NKTR: variants seen among roughly 807,000 people sequenced by gnomAD.
NKTR encodes the protein natural killer cell triggering receptor.
A neutral mutation model predicts 156.3 loss-of-function variants in NKTR; 67 were observed. The observed-to-expected ratio is 0.43, with a 90% CI of 0.35 to 0.53. The LOEUF is 0.53. Among genes scored for constraint, NKTR ranks in the 20% least tolerant of loss-of-function variants. NKTR has a pLI of 0.01. For synonymous variants in NKTR, 640 were observed against 596.6 expected (o/e 1.07, Z -1.06); for missense variants, 1,604 against 1,730.9 (o/e 0.93, Z 1.30).
intron 2 of NKTR, among the ~76,000 whole-genome samples, chr3:42,611,698 A>G (rs1706831273): frequency 6.7e-6 from 1 of 148,418 alleles, no homozygotes; most frequent in Admixed American, 6.8e-5. Context: ...GTGCCACTGC[A>G]CTCCAGCCTG....
intron 6 of NKTR, chr3:42,627,398 T>C: frequency 2.0e-6 from 2 of 985,424 alleles, no homozygotes; most frequent in Non-Finnish European, 2.4e-6. Flanking sequence ...TCCTGGGAAC[T>C]ATATTTTAAC....
chr3:42,625,268 G>A (rs1339838080), intron 6 of NKTR, among the ~76,000 whole-genome samples: 1 of 152,130 alleles, frequency 6.6e-6, no homozygotes, highest in African/African-American at 2.4e-5. Context: ...ATAGAGTAGG[G>A]ATCTGCAGAC....
chr3:42,630,343 A>T (rs1708776174), intron 6 of NKTR: 1 of 1,395,654 alleles, frequency 7.2e-7, no homozygotes, highest in Admixed American at 3.2e-5. Flanking sequence ...ATTCATTATA[A>T]TCTTGAGTTT....
intron 15 of NKTR, 54 bp from the exon 16 acceptor site, chr3:42,643,848 A>G: frequency 8.1e-7 from 1 of 1,236,370 alleles, no homozygotes; most frequent in Non-Finnish European, 1.2e-6. Context: ...AGAAATAGGA[A>G]CATATGAGTA....
intron 6 of NKTR, chr3:42,628,232 G>A (rs944372056): frequency 1.0e-6 from 1 of 985,274 alleles, no homozygotes; most frequent in South Asian, 4.7e-5. Context: ...TTCATATCAG[G>A]TTTAGGCACT....
intron 2 of NKTR, among the ~76,000 whole-genome samples, chr3:42,608,206 G>T (rs757060266): frequency 6.6e-6 from 1 of 151,424 alleles, no homozygotes; most frequent in Admixed American, 6.6e-5. Context: ...GGTCAGGCTG[G>T]TCCTAAACTC....
chr3:42,631,406 T>A, intron 8 of NKTR, 90 bp downstream of exon 8: 1 of 1,445,090 alleles, frequency 6.9e-7, no homozygotes, highest in Admixed American at 2.0e-5. Flanking sequence ...GAACTAGTGG[T>A]ATAGCAATAG....
chr3:42,639,656 C>G lies in NKTR; in HGVS notation c.3952C>G (p.Arg1318Gly), dbSNP rs1709709387. 1 of 1,613,950 alleles carries G rather than the reference C, an allele frequency of 6.2e-7. No individual in the cohort carries two copies. The highest frequency in any genetic ancestry group is 8.5e-7 in the Non-Finnish European group (1 of 1,179,912). The change falls in exon 13 of 17, where the codon CGA (arginine) becomes GGA (glycine). Residue 1318 changes from arginine (R) to glycine (G), a missense_variant. Arg to Gly is a moderately radical substitution (Grantham distance 125, BLOSUM62 -2). This residue lies in a region of NKTR where 193 missense variants were observed against 220.2 expected (regional missense o/e 0.88). Coordinates refer to ENST00000232978, the MANE Select transcript of NKTR (RefSeq NM_005385.4). ...DSQSRSPSRSRSKSETKSRHR... is the reference protein window; with the variant it reads ...DSQSRSPSRSGSKSETKSRHR... ...CCAGTCCAGGAGTCCAAGTAGATCT[C>G]GAAGTAAATCTGAAACCAAATCAAG...
At chr3:42,630,882 A>G in intron 7 of NKTR, 1 of 1,366,040 alleles carries the variant, frequency 7.3e-7, no homozygotes, top group Non-Finnish European at 9.4e-7. Context: ...TGTCCCTGTA[A>G]GGAAGGTTCC....
Position 42,638,545 on chromosome 3 carries a change from TTGGAAA to T in NKTR, c.2843_2848del (p.Trp948_Lys949del). The T allele has an allele frequency of 1.2e-6, 2 of 1,613,896 alleles. No homozygotes were observed. The highest frequency in any genetic ancestry group is 3.3e-4 in the Middle Eastern group (2 of 6,060). On this transcript the variant is annotated inframe_deletion, in exon 13 of 17. Coordinates refer to ENST00000232978, the MANE Select transcript of NKTR (RefSeq NM_005385.4). ...CTTCACTGCCTGATGATAATGGTGC[TTGGAAA>T]TCAAGCAAACAGCGCACATCAACTT...
chr3:42,620,375 T>C (rs1485062620), intron 5 of NKTR: 1 of 1,054,106 alleles, frequency 9.5e-7, no homozygotes, highest in Non-Finnish European at 1.1e-6. Context: ...ATTCTCATAA[T>C]AGTAGCATCT....
chr3:42,606,521 A>C (rs564495014), intron 2 of NKTR, among the ~76,000 whole-genome samples: 1 of 152,234 alleles, frequency 6.6e-6, no homozygotes, highest in East Asian at 1.9e-4. Context: ...TTGTATCTTA[A>C]AGTCCGAGAG....
chr3:42,635,365 A>G lies in NKTR; in HGVS notation c.1162A>G (p.Lys388Glu). The G allele has an allele frequency of 6.2e-7, 1 of 1,606,206 alleles. No homozygotes were observed. The highest frequency in any genetic ancestry group is 8.5e-7 in the Non-Finnish European group (1 of 1,176,462). ...TGGAGAAAAATGGAGTAAAGGAGAT[A>G]AGTAAGAACTTTGAGTATAAGCACA... ...PSGEKWSKGDKLSDPCSSRWD... is the reference protein window; with the variant it reads ...PSGEKWSKGDELSDPCSSRWD... The change falls in exon 12 of 17, where the codon AAG becomes GAG. Residue 388 changes from lysine (K) to glutamate (E), a missense_variant and splice_region_variant. Around this residue, in one of 6 missense-constraint regions of NKTR, gnomAD observed 1,255 missense variants for 1,243.7 expected, o/e 1.01. Coordinates refer to ENST00000232978, the MANE Select transcript of NKTR (RefSeq NM_005385.4).
chr3:42,631,619 C>T (rs1177086020), intron 8 of NKTR, among the ~76,000 whole-genome samples: 1 of 152,202 alleles, frequency 6.6e-6, no homozygotes, highest in East Asian at 1.9e-4. Context: ...TAACTGGTCT[C>T]ATTGCTTATA....
chr3:42,639,557 G>A lies in NKTR; in HGVS notation c.3853G>A (p.Ala1285Thr). 1.2e-6 allele frequency: 2 copies of A among 1,614,208 alleles called. No individual in the cohort carries two copies. The highest frequency in any genetic ancestry group is 1.7e-6 in the Non-Finnish European group (2 of 1,180,022). Reference protein sequence around the residue: ...GSLFDEVRKTARLNRRPRNQE... With the variant: ...GSLFDEVRKTTRLNRRPRNQE... ...TCTCTTTGATGAAGTAAGAAAGACAGCACGCTTAAACCGTAGACCAAGAAA... is the reference window on the plus strand; with the variant it reads ...TCTCTTTGATGAAGTAAGAAAGACAACACGCTTAAACCGTAGACCAAGAAA... The change falls in exon 13 of 17, where the codon GCA (alanine) becomes ACA (threonine). Residue 1285 changes from alanine (A) to threonine (T), a missense_variant. This residue lies in a region of NKTR where 18 missense variants were observed against 41.9 expected (regional missense o/e 0.43). Transcript: ENST00000232978.
intron 2 of NKTR, among the ~76,000 whole-genome samples, chr3:42,614,432 CT>C (rs796700799): frequency 0.016 from 2,300 of 140,212 alleles, 17 homozygotes; most frequent in Middle Eastern, 0.022. Flanking sequence ...ACCACATTGA[CT>C]TTTTTTTTTT....
chr3:42,635,255 C>G lies in NKTR; in HGVS notation c.1052C>G (p.Ser351Cys), dbSNP rs776509284. ...ACACCTCCAAGATCAAGATCCTGTT[C>G]TGAGTCAGATGATGATGACAGCAGT... ...YHTPPRSRSC[S>C]ESDDDDSSET... The change falls in exon 12 of 17, where the codon TCT (serine) becomes TGT (cysteine). Residue 351 changes from serine (S) to cysteine (C), a missense_variant. This residue lies in a region of NKTR where 1,255 missense variants were observed against 1,243.7 expected (regional missense o/e 1.01). Transcript: ENST00000232978. The G allele has an allele frequency of 6.2e-7, 1 of 1,613,550 alleles. No homozygotes were observed. The highest frequency in any genetic ancestry group is 1.1e-5 in the South Asian group (1 of 91,020).
chr3:42,636,162 T>G (rs939908900), intron 12 of NKTR, among the ~76,000 whole-genome samples: 7 of 152,168 alleles, frequency 4.6e-5, no homozygotes, highest in Non-Finnish European at 8.8e-5. Flanking sequence ...TGGGACCCTG[T>G]GTAATCTTCC....
chr3:42,618,236 A>G (rs1018287452), intron 3 of NKTR, among the ~76,000 whole-genome samples: 3 of 151,510 alleles, frequency 2.0e-5, no homozygotes, highest in Non-Finnish European at 4.4e-5. Context: ...CTGTAATCCC[A>G]GCTACTCAGG....
Sources: gnomAD v4.1 joint callset for allele counts (sites outside exome capture counted in the v4.1 genomes callset) on GRCh38, gnomAD v4.1.1 for gene constraint, gnomAD v4.1.1 regional missense constraint, MANE v1.5 for transcripts, NCBI Gene and HGNC (gene_info 2026-07-23, HGNC 2026-07-21) for gene names.